Variants in NEDD4L observed in about 807,000 individuals in gnomAD.
NEDD4L encodes E3 ubiquitin-protein ligase NEDD4-like.
In NEDD4L, 54 loss-of-function variants were observed where a neutral mutation model predicts 148.9. The observed-to-expected ratio is 0.36, with a 90% confidence interval of 0.29 to 0.45. The LOEUF is 0.45. Ranked by LOEUF, NEDD4L falls within the 20% of genes least tolerant of loss-of-function variation. The probability of loss-of-function intolerance (pLI) is 1.00; values close to 1 mark genes in which losing one functional copy is unlikely to be tolerated. For synonymous variants in NEDD4L, 433 were observed against 440.7 expected (o/e 0.98, Z 0.22); for missense variants, 856 against 1,233.8 (o/e 0.69, Z 4.59).
chr18:58,288,673 C>T (rs1247207645), intron 5 of NEDD4L, among the ~76,000 whole-genome samples: 1 of 152,158 alleles, frequency 6.6e-6, no homozygotes, highest in African/African-American at 2.4e-5. Context: ...CCAAATGTGT[C>T]TCAATAGTGC....
chr18:58,332,305 G>A (rs2041093115), intron 11 of NEDD4L, among the ~76,000 whole-genome samples: 1 of 152,168 alleles, frequency 6.6e-6, no homozygotes, highest in Non-Finnish European at 1.5e-5. Context: ...TTAAATGAGA[G>A]TCAAATCGGA....
intron 5 of NEDD4L, among the ~76,000 whole-genome samples, chr18:58,294,866 T>C (rs2055331418): frequency 1.3e-5 from 2 of 152,218 alleles, no homozygotes; most frequent in South Asian, 4.1e-4. Flanking sequence ...ATTTAGGCTA[T>C]ATTAAAATAA....
chr18:58,272,264 A>G (rs1159877025), intron 5 of NEDD4L, among the ~76,000 whole-genome samples: 2 of 152,220 alleles, frequency 1.3e-5, no homozygotes, highest in Non-Finnish European at 2.9e-5. Context: ...AGTAGTAAAT[A>G]CAAATGAATA....
intron 1 of NEDD4L, among the ~76,000 whole-genome samples, chr18:58,084,671 T>TTGTGTGAG (rs372571146): frequency 1.5e-5 from 2 of 133,738 alleles, no homozygotes. Context: ...TGTGGGGTTT[T>TTGTGTGAG]TGTGTGTGTG....
Position 58,350,980 on chromosome 18 carries a change from C to T in NEDD4L, c.1654-11C>T. On this transcript the variant is annotated splice_polypyrimidine_tract_variant and intron_variant, in intron 17 of 30. Coordinates refer to ENST00000400345, the MANE Select transcript of NEDD4L (RefSeq NM_001144967.3). ...TATATTTTCTCTCTCCCTTCCTTCCCCGGATACTAGCCTGGCTGGGAAGAA... is the reference window on the plus strand; with the variant it reads ...TATATTTTCTCTCTCCCTTCCTTCCTCGGATACTAGCCTGGCTGGGAAGAA... The T allele has an allele frequency of 6.3e-7, 1 of 1,582,844 alleles. No individual in the cohort carries two copies. Among genetic ancestry groups the T allele is most frequent in the Non-Finnish European group, 8.6e-7 (1 of 1,162,820 alleles).
At chr18:58,200,011 A>G (rs1417795599) in intron 2 of NEDD4L, among the ~76,000 whole-genome samples, 2 of 152,188 alleles carry the variant, frequency 1.3e-5, no homozygotes, top group Non-Finnish European at 2.9e-5. Context: ...TGAAACAAAA[A>G]AGTTTATTAA....
chr18:58,318,606 A>G (rs7229644), intron 6 of NEDD4L, among the ~76,000 whole-genome samples: 81,807 of 152,190 alleles, frequency 0.54, 22,756 homozygotes, highest in African/African-American at 0.69. Flanking sequence ...CTGTACCATC[A>G]TTGACTTTTC....
At chr18:58,328,426 A>G (rs946900453) in intron 9 of NEDD4L, among the ~76,000 whole-genome samples, 5 of 152,234 alleles carry the variant, frequency 3.3e-5, no homozygotes, top group Non-Finnish European at 7.3e-5. Context: ...TAAAGGAGGT[A>G]AATGCAGTGT....
intron 1 of NEDD4L, among the ~76,000 whole-genome samples, chr18:58,067,279 C>T (rs1220929491): frequency 6.6e-6 from 1 of 152,146 alleles, no homozygotes; most frequent in Admixed American, 6.5e-5. Flanking sequence ...ACCATTCTTA[C>T]AAGTGTTTGA....
chr18:58,371,323 G>A (rs1048702802), intron 23 of NEDD4L, among the ~76,000 whole-genome samples: 1 of 151,422 alleles, frequency 6.6e-6, no homozygotes, highest in Non-Finnish European at 1.5e-5. Flanking sequence ...AAAGTGCTGG[G>A]ATTACAGGTG....
At chr18:58,386,377 CCTTTTT>C (rs1278498759) in intron 26 of NEDD4L, among the ~76,000 whole-genome samples, 6 of 152,130 alleles carry the variant, frequency 3.9e-5, no homozygotes, top group Non-Finnish European at 7.3e-5. Context: ...AATCCCCTGC[CCTTTTT>C]CTTTGTGGCA....
At chr18:58,378,676 G>A (rs1032050532) in intron 24 of NEDD4L, among the ~76,000 whole-genome samples, 5 of 152,180 alleles carry the variant, frequency 3.3e-5, no homozygotes, top group African/African-American at 9.6e-5. Flanking sequence ...GACTGCCCCC[G>A]AGGCCGTGCC....
chr18:58,208,424 C>T (rs2042185203), intron 2 of NEDD4L, among the ~76,000 whole-genome samples: 1 of 152,180 alleles, frequency 6.6e-6, no homozygotes, highest in Non-Finnish European at 1.5e-5. Context: ...AAAATGGAAA[C>T]GTGAGTCCAA....
chr18:58,279,512 A>C (rs1289918655), intron 5 of NEDD4L, among the ~76,000 whole-genome samples: 1 of 152,222 alleles, frequency 6.6e-6, no homozygotes, highest in African/African-American at 2.4e-5. Flanking sequence ...GAATAGGCCC[A>C]TGTTAGAAAT....
At chr18:58,351,150 C>G (rs567590845) in intron 18 of NEDD4L, 105 bp downstream of exon 18, 1 of 1,530,328 alleles carries the variant, frequency 6.5e-7, no homozygotes, top group Non-Finnish European at 8.8e-7. Context: ...ATCTAGGCAG[C>G]CAGGTGTTAT....
At chr18:58,308,902 G>C (rs142878598) in intron 5 of NEDD4L, among the ~76,000 whole-genome samples, 162 of 152,310 alleles carry the variant, frequency 1.1e-3, no homozygotes, top group African/African-American at 3.6e-3. Flanking sequence ...CTGACAAGAA[G>C]CGTCCCTGAG....
At chr18:58,389,304 T>C in intron 28 of NEDD4L, 112 bp downstream of exon 28, 1 of 752,942 alleles carries the variant, frequency 1.3e-6, no homozygotes, top group Non-Finnish European at 2.2e-6. Flanking sequence ...CTTTGGGGTC[T>C]GTTAGAGCTT....
intron 1 of NEDD4L, chr18:58,149,476 G>A: frequency 6.4e-7 from 1 of 1,550,396 alleles, no homozygotes; most frequent in Non-Finnish European, 8.7e-7. Flanking sequence ...AACTTGCTCT[G>A]CCCTTGAGTT....
At chr18:58,347,167 G>C (rs1044069754) in intron 16 of NEDD4L, among the ~76,000 whole-genome samples, 2 of 142,278 alleles carry the variant, frequency 1.4e-5, no homozygotes, top group Middle Eastern at 3.9e-3. Flanking sequence ...CTGCCTCCCT[G>C]ACACTTTTCT....
Sources: allele counts gnomAD v4.1 joint callset (sites outside exome capture counted in the v4.1 genomes callset), GRCh38; gene constraint gnomAD v4.1.1; transcripts MANE v1.5; gene names NCBI Gene and HGNC (gene_info 2026-07-23, HGNC 2026-07-21).